Variants in FAM72C observed in about 807,000 individuals in gnomAD.
The protein encoded by FAM72C is protein FAM72C.
Under a neutral mutation model 5.2 loss-of-function variants are expected in FAM72C, and 1 was observed. That is an observed-to-expected ratio of 0.19 (90% CI 0.07 to 0.91). FAM72C has a LOEUF of 0.91. Ranked by LOEUF, FAM72C falls within the 40% of genes least tolerant of loss-of-function variation. The pLI is 0.66. For synonymous variants in FAM72C, 1 was observed against 21.8 expected (o/e 0.05, Z 2.66); for missense variants, 4 against 66.0 (o/e 0.06, Z 3.25).
At chr1:143,967,561 C>T (rs1661810545) in intron 2 of FAM72C, among the ~76,000 whole-genome samples, 1 of 135,518 alleles carries the variant, frequency 7.4e-6, no homozygotes. Context: ...ATTTCCAGCC[C>T]TGGTAACAAT....
intron 2 of FAM72C, among the ~76,000 whole-genome samples, chr1:143,966,810 T>C (rs1661783658): frequency 1.4e-5 from 2 of 143,110 alleles, no homozygotes; most frequent in African/African-American, 2.6e-5. Flanking sequence ...GGTGGATCAC[T>C]TGAGGTCAGG....
chr1:143,955,343 A>G lies in FAM72C; in HGVS notation c.*1044T>C, dbSNP rs1227439406. Reference sequence around the variant, plus strand: ...TTTACATACAATATGTGGGCATAACAAAAAATTAAAGGAAGAATGGTCATT... The same window carrying G: ...TTTACATACAATATGTGGGCATAACGAAAAATTAAAGGAAGAATGGTCATT... On this transcript the variant is annotated 3_prime_UTR_variant, in exon 4 of 4. Transcript: ENST00000584486. 3.5e-5 allele frequency: 5 copies of G among 142,956 alleles called. 1 individual carries two copies. 8.9% of individuals were successfully genotyped at this position (142,956 alleles called of 1,614,324 possible).
intron 3 of FAM72C, 141 bp downstream of exon 3, chr1:143,964,710 ATGTC>A: frequency 6.2e-6 from 3 of 480,536 alleles, no homozygotes; most frequent in East Asian, 4.3e-5. Context: ...TCATAAGTGA[ATGTC>A]TGGGAAAAAA....
At chr1:143,960,698 G>A (rs1661591920) in intron 3 of FAM72C, among the ~76,000 whole-genome samples, 1 of 110,034 alleles carries the variant, frequency 9.1e-6, no homozygotes, top group South Asian at 3.1e-4. Context: ...ATCAGCCTGG[G>A]AAACAAGAGT....
intron 3 of FAM72C, among the ~76,000 whole-genome samples, chr1:143,961,117 T>C: frequency 7.1e-6 from 1 of 140,608 alleles, no homozygotes; most frequent in African/African-American, 2.6e-5. Context: ...TACTGGGCTT[T>C]ATATAAATGG....
rs1340267280 is a variant in FAM72C, at chr1:143,955,502, T to C, written c.*885A>G. On this transcript the variant is annotated 3_prime_UTR_variant, in exon 4 of 4. Transcript: ENST00000584486. ...ACCAGAATCCAACACTACCCTACTT[T>C]CCTATTCCTTTGTGGCTCTGAATGC... 1 of 142,824 alleles carries C rather than the reference T, an allele frequency of 7.0e-6. No homozygotes were observed. The highest frequency in any genetic ancestry group is 1.5e-5 in the Non-Finnish European group (1 of 65,186). 8.8% of individuals were successfully genotyped at this position (142,824 alleles called of 1,614,324 possible).
In FAM72C at chr1:143,961,906, T is replaced by A. The variant is rs1328687087; in HGVS notation, c.355+2949A>T. ...GAAGCCATTTCTATAACATACAAGT[T>A]CAGGTGAAGCAAAAAGTGCAGACGT... On this transcript the variant is annotated intron_variant, in intron 3 of 3. Transcript: ENST00000584486. Among the ~76,000 whole-genome samples, 5 of 145,694 alleles carry A rather than the reference T, an allele frequency of 3.4e-5. 1 individual carries two copies. The highest frequency in any genetic ancestry group is 1.3e-4 in the African/African-American group (5 of 39,776).
chr1:143,966,905 G>A (rs1661788695), intron 2 of FAM72C, among the ~76,000 whole-genome samples: 3 of 142,586 alleles, frequency 2.1e-5, no homozygotes, highest in African/African-American at 5.3e-5. Context: ...GCACGTGCCT[G>A]TAGTCCCAGC....
At position 143,967,086 on chromosome 1, in the gene FAM72C, C is replaced by T. The variant is rs1472212544; in HGVS notation, c.230+1838G>A. 2.1e-5 allele frequency among the ~76,000 whole-genome samples: 3 copies of T among 143,012 alleles called. 1 individual carries two copies. The highest frequency in any genetic ancestry group is 4.6e-5 in the Non-Finnish European group (3 of 64,800). The allele number at this position is 143,012 out of a possible 152,430, so 93.8% of individuals were successfully genotyped here. ...GCGGTGGCTCACACCTGTAATCTCA[C>T]ACTTTGGGAGGCCGAGGCAGGTGGA... On this transcript the variant is annotated intron_variant, in intron 2 of 3. Coordinates refer to ENST00000584486, the MANE Select transcript of FAM72C (RefSeq NM_001287385.2).
chr1:143,965,551 T>C (rs1223958852), intron 2 of FAM72C, among the ~76,000 whole-genome samples: 1 of 91,874 alleles, frequency 1.1e-5, no homozygotes. Flanking sequence ...GATGCCATAA[T>C]GTTGTGATTT....
chr1:143,967,252 C>CG (rs1274271586), intron 2 of FAM72C, among the ~76,000 whole-genome samples: 2 of 144,760 alleles, frequency 1.4e-5, no homozygotes, highest in Non-Finnish European at 3.1e-5. Flanking sequence ...CCAAGGCAGG[C>CG]GGACTGCCTG....
chr1:143,964,945 A>C lies in FAM72C; in HGVS notation c.265T>G (p.Cys89Gly). 1 of 1,567,528 alleles carries C rather than the reference A, an allele frequency of 6.4e-7. No individual in the cohort carries two copies. Among genetic ancestry groups the C allele is most frequent in the South Asian group, 1.1e-5 (1 of 88,184 alleles). Residue 89 changes from cysteine (C) to glycine (G), a missense_variant, in exon 3 of 4, where the codon TGT (cysteine) becomes GGT (glycine). Physicochemically the swap from Cys to Gly is radical, Grantham distance 159. Coordinates refer to ENST00000584486, the MANE Select transcript of FAM72C (RefSeq NM_001287385.2). ...NIVVYHVIVPCSSCLLSCNNR... is the reference protein window; with the variant it reads ...NIVVYHVIVPGSSCLLSCNNR... ...TTGCAGGAAAGAAGACAGGAACTAC[A>C]TGGAACAATCACATGATAAACTACA...
chr1:143,965,278 C>A (rs1452181505), intron 2 of FAM72C, among the ~76,000 whole-genome samples: 1 of 99,962 alleles, frequency 1.0e-5, no homozygotes, highest in Admixed American at 1.1e-4. Flanking sequence ...TGCCTGCAAC[C>A]TCCGCCTCCC....
chr1:143,960,686 ACAT>A (rs1661591462), intron 3 of FAM72C, among the ~76,000 whole-genome samples: 1 of 128,846 alleles, frequency 7.8e-6, no homozygotes, highest in Non-Finnish European at 1.7e-5. Flanking sequence ...ACACCATTGC[ACAT>A]CAGCCTGGGA....
chr1:143,955,631 G>GA lies in FAM72C; in HGVS notation c.*755dup, dbSNP rs1158995650. 1.4e-5 allele frequency: 2 copies of GA among 140,894 alleles called. 1 individual carries two copies. The highest frequency in any genetic ancestry group is 3.1e-5 in the Non-Finnish European group (2 of 65,000). 8.7% of individuals were successfully genotyped at this position (140,894 alleles called of 1,614,324 possible). ...CGCTTTAGTTTTTTTTTCTATTTAA[G>GA]ATTTAGGACAGACTACTCGTCTAAA... On this transcript the variant is annotated 3_prime_UTR_variant, in exon 4 of 4. Transcript: ENST00000584486.
At chr1:143,960,705 G>A (rs1553517791) in intron 3 of FAM72C, among the ~76,000 whole-genome samples, 1 of 106,032 alleles carries the variant, frequency 9.4e-6, no homozygotes, top group East Asian at 3.0e-4. Flanking sequence ...TGGGAAACAA[G>A]AGTGAAACTC....
In FAM72C at chr1:143,955,605, T is replaced by C. The variant is rs1661451933; in HGVS notation, c.*782A>G. On this transcript the variant is annotated 3_prime_UTR_variant, in exon 4 of 4. Coordinates refer to ENST00000584486, the MANE Select transcript of FAM72C (RefSeq NM_001287385.2). ...TATAATGTACAATGGCTTAAGCAAA[T>C]CGCTTTAGTTTTTTTTTCTATTTAA... 7.0e-6 allele frequency: 1 copy of C among 143,328 alleles called. No individual in the cohort carries two copies. Among genetic ancestry groups the C allele is most frequent in the Admixed American group, 7.0e-5 (1 of 14,352 alleles). The allele number at this position is 143,328 out of a possible 1,614,324, so 8.9% of individuals were successfully genotyped here. A position where few individuals can be genotyped will look rare whatever the true frequency, so the allele number is the denominator to read the frequency against.
At chr1:143,962,206 GT>G (rs1258310140) in intron 3 of FAM72C, among the ~76,000 whole-genome samples, 1 of 142,754 alleles carries the variant, frequency 7.0e-6, no homozygotes, top group Non-Finnish European at 1.5e-5. Flanking sequence ...TAGAGACGGG[GT>G]TTCTCCATGT....
chr1:143,960,635 C>A (rs1327118747), intron 3 of FAM72C, among the ~76,000 whole-genome samples: 4 of 129,912 alleles, frequency 3.1e-5, no homozygotes, highest in African/African-American at 1.1e-4. Flanking sequence ...GCACGAGAAT[C>A]GCTTGAACCC....
Sources: gnomAD v4.1 joint callset for allele counts (sites outside exome capture counted in the v4.1 genomes callset) on GRCh38, gnomAD v4.1.1 for gene constraint, MANE v1.5 for transcripts, NCBI Gene and HGNC (gene_info 2026-07-23, HGNC 2026-07-21) for gene names.